The following GRID2 variants were observed in gnomAD, a reference collection of about 807,000 sequenced individuals.
GRID2 encodes glutamate ionotropic receptor delta type subunit 2, also known as glutamate receptor ionotropic, delta-2.
A neutral mutation model predicts 114.8 loss-of-function variants in GRID2; 33 were observed. The observed-to-expected ratio is 0.29, with a 90% confidence interval of 0.22 to 0.38. The LOEUF is 0.38. Among genes scored for constraint, GRID2 ranks in the 10% least tolerant of loss-of-function variants. The pLI is 1.00. For missense variants in GRID2, 1,184 were observed against 1,257.7 expected (o/e 0.94, Z 0.89); for synonymous variants, 505 against 449.9 (o/e 1.12, Z -1.55).
At chr4:92,781,294 A>G (rs754990851) in intron 2 of GRID2, among the ~76,000 whole-genome samples, 32 of 152,088 alleles carry the variant, frequency 2.1e-4, no homozygotes, top group Admixed American at 8.5e-4. Flanking sequence ...AAAAACAAAC[A>G]TTGCCATGGC....
At chr4:92,588,743 G>A (rs1216025458) in intron 1 of GRID2, among the ~76,000 whole-genome samples, 5 of 151,324 alleles carry the variant, frequency 3.3e-5, no homozygotes, top group African/African-American at 9.7e-5. Flanking sequence ...CCATGGACAG[G>A]TATTCAAAAT....
At chr4:93,316,390 A>AAGAAAGGAAGG (rs11282003) in intron 8 of GRID2, among the ~76,000 whole-genome samples, 9 of 143,434 alleles carry the variant, frequency 6.3e-5, no homozygotes, top group East Asian at 2.1e-4. Context: ...AAAGAATAGA[A>AAGAAAGGAAGG]AAGGAAGGAA....
chr4:92,939,654 G>C (rs1284455683), intron 2 of GRID2, among the ~76,000 whole-genome samples: 2 of 147,132 alleles, frequency 1.4e-5, no homozygotes, highest in Non-Finnish European at 3.0e-5. Context: ...CCTATGTCCT[G>C]AATGGTATTG....
Position 92,934,915 on chromosome 4 carries a change from G to A in GRID2, c.245-150080G>A, listed in dbSNP as rs1379867640. Among the ~76,000 whole-genome samples, 9 of 146,512 alleles carry A rather than the reference G, an allele frequency of 6.1e-5. 1 individual carries two copies. Among genetic ancestry groups the A allele is most frequent in the East Asian group, 4.3e-4 (2 of 4,632 alleles). ...AGATGGATTAAAGACTTAAACGTTC[G>A]ACCTAAAACCATAAAAACCCTAGAA... is the stretch of plus-strand genomic sequence containing the variant. On this transcript the variant is annotated intron_variant, in intron 2 of 15. Coordinates refer to ENST00000282020, the MANE Select transcript of GRID2 (RefSeq NM_001510.4).
chr4:93,686,617 G>C (rs568901922), intron 14 of GRID2, among the ~76,000 whole-genome samples: 34 of 152,078 alleles, frequency 2.2e-4, no homozygotes, highest in African/African-American at 6.7e-4. Flanking sequence ...TGGGATGTTT[G>C]CAATTTTAAA....
chr4:92,754,082 T>C (rs1321388348), intron 2 of GRID2, among the ~76,000 whole-genome samples: 1 of 152,190 alleles, frequency 6.6e-6, no homozygotes, highest in East Asian at 1.9e-4. Context: ...CTGATAATTG[T>C]AGGAAAGTTA....
intron 4 of GRID2, among the ~76,000 whole-genome samples, chr4:93,156,227 T>C (rs1468204985): frequency 6.6e-6 from 1 of 151,892 alleles, no homozygotes; most frequent in African/African-American, 2.4e-5. Context: ...AAACACATTT[T>C]ATATTTACCT....
chr4:92,469,958 A>G (rs1210410562), intron 1 of GRID2, among the ~76,000 whole-genome samples: 2 of 151,994 alleles, frequency 1.3e-5, no homozygotes, highest in Non-Finnish European at 2.9e-5. Context: ...TTATATTAAT[A>G]AGGAGGTAAT....
intron 14 of GRID2, among the ~76,000 whole-genome samples, chr4:93,653,859 G>C (rs1443391361): frequency 1.3e-5 from 2 of 152,062 alleles, no homozygotes; most frequent in African/African-American, 4.8e-5. Flanking sequence ...GCAGGAGTTA[G>C]CAAGAAGTAT....
intron 2 of GRID2, among the ~76,000 whole-genome samples, chr4:92,983,208 T>G (rs1164615813): frequency 1.3e-5 from 2 of 152,090 alleles, no homozygotes; most frequent in Admixed American, 1.3e-4. Context: ...GGGTAATTAA[T>G]CATGAACAGA....
At chr4:92,690,403 A>G (rs1264511165) in intron 2 of GRID2, among the ~76,000 whole-genome samples, 1 of 152,150 alleles carries the variant, frequency 6.6e-6, no homozygotes, top group Non-Finnish European at 1.5e-5. Context: ...GCTGTCTTAT[A>G]TGAGTGTCGT....
At chr4:92,457,308 C>A (rs1003832004) in intron 1 of GRID2, among the ~76,000 whole-genome samples, 1 of 152,024 alleles carries the variant, frequency 6.6e-6, no homozygotes, top group Non-Finnish European at 1.5e-5. Flanking sequence ...GTTTTTATAG[C>A]ACTTTTCACA....
At chr4:93,579,421 C>T (rs761258152) in intron 13 of GRID2, among the ~76,000 whole-genome samples, 4 of 151,970 alleles carry the variant, frequency 2.6e-5, no homozygotes, top group Non-Finnish European at 4.4e-5. Flanking sequence ...AGGTGATCTG[C>T]GGTCATTTCC....
At chr4:92,906,261 GATTA>G (rs1747943687) in intron 2 of GRID2, among the ~76,000 whole-genome samples, 1 of 139,634 alleles carries the variant, frequency 7.2e-6, no homozygotes, top group Non-Finnish European at 1.6e-5. Context: ...CTTGAACCAG[GATTA>G]ATTAAAGACA....
At chr4:93,075,741 T>C (rs1729206288) in intron 2 of GRID2, among the ~76,000 whole-genome samples, 1 of 151,982 alleles carries the variant, frequency 6.6e-6, no homozygotes, top group Non-Finnish European at 1.5e-5. Flanking sequence ...TAAGAATAAA[T>C]TGACAAAGGT....
At chr4:92,886,939 A>AT (rs1252895804) in intron 2 of GRID2, among the ~76,000 whole-genome samples, 2 of 151,794 alleles carry the variant, frequency 1.3e-5, no homozygotes, top group Non-Finnish European at 2.9e-5. Context: ...CCTTGCTATT[A>AT]TTTTTTGGGG....
At chr4:93,557,030 C>G (rs186989802) in intron 13 of GRID2, among the ~76,000 whole-genome samples, 17 of 152,298 alleles carry the variant, frequency 1.1e-4, no homozygotes, top group Non-Finnish European at 2.4e-4. Flanking sequence ...TTTTTACAGA[C>G]AAGCAAATGC....
chr4:93,702,250 AT>A (rs1171460891), intron 14 of GRID2, among the ~76,000 whole-genome samples: 1 of 152,162 alleles, frequency 6.6e-6, no homozygotes, highest in Non-Finnish European at 1.5e-5. Context: ...ATTTCAATGC[AT>A]TCTGCATTAA....
At chr4:93,767,832 G>A (rs935648964) in intron 14 of GRID2, among the ~76,000 whole-genome samples, 5 of 152,156 alleles carry the variant, frequency 3.3e-5, no homozygotes, top group African/African-American at 1.2e-4. Context: ...AAGACCTTGG[G>A]CAAGAGTACA....
Sources: gnomAD v4.1 joint callset for allele counts (sites outside exome capture counted in the v4.1 genomes callset) on GRCh38, gnomAD v4.1.1 for gene constraint, MANE v1.5 for transcripts, NCBI Gene and HGNC (gene_info 2026-07-23, HGNC 2026-07-21) for gene names.